UAP1: variants seen among roughly 807,000 people sequenced by gnomAD.
UAP1 encodes the protein UDP-N-acetylhexosamine pyrophosphorylase.
In UAP1, 25 loss-of-function variants were observed where a neutral mutation model predicts 58.5. The observed-to-expected ratio is 0.43, with a 90% CI of 0.31 to 0.60. UAP1 has a LOEUF of 0.60. Among genes scored for constraint, UAP1 ranks in the 20% least tolerant of loss-of-function variants. The pLI is 0.11. For synonymous variants in UAP1, 208 were observed against 213.0 expected (o/e 0.98, Z 0.21); for missense variants, 575 against 630.0 (o/e 0.91, Z 0.93).
intron 2 of UAP1, among the ~76,000 whole-genome samples, chr1:162,574,935 A>G (rs1270214573): frequency 6.6e-6 from 1 of 152,188 alleles, no homozygotes; most frequent in Non-Finnish European, 1.5e-5. Context: ...CTTGATGACT[A>G]TTTATTGCTG....
intron 4 of UAP1, among the ~76,000 whole-genome samples, chr1:162,579,844 C>G (rs1654473585): frequency 6.6e-6 from 1 of 152,058 alleles, no homozygotes; most frequent in Admixed American, 6.6e-5. Flanking sequence ...TATTCTTTCT[C>G]TATAACAAGT....
intron 1 of UAP1, among the ~76,000 whole-genome samples, chr1:162,562,034 G>A (rs1653174296): frequency 6.6e-6 from 1 of 152,236 alleles, no homozygotes; most frequent in East Asian, 1.9e-4. Context: ...CAGCCGGGTG[G>A]ATGGCGGGGC....
intron 2 of UAP1, among the ~76,000 whole-genome samples, chr1:162,569,946 G>A (rs527344205): frequency 2.6e-5 from 4 of 152,146 alleles, no homozygotes; most frequent in African/African-American, 7.2e-5. Flanking sequence ...TCAGGAGATC[G>A]AGACCATCCT....
At chr1:162,596,490 A>G (rs994944427) in intron 9 of UAP1, among the ~76,000 whole-genome samples, 8 of 152,168 alleles carry the variant, frequency 5.3e-5, no homozygotes, top group African/African-American at 1.7e-4. Flanking sequence ...TATTTTTTAT[A>G]TGAATAAATG....
chr1:162,573,940 G>T (rs1654017633), intron 2 of UAP1, among the ~76,000 whole-genome samples: 1 of 151,768 alleles, frequency 6.6e-6, no homozygotes, highest in Admixed American at 6.6e-5. Flanking sequence ...CTCCAGCCTG[G>T]GTGACAGTGT....
At chr1:162,588,855 TA>T (rs1655077917) in intron 7 of UAP1, 22 bp downstream of exon 7, 2 of 1,581,260 alleles carry the variant, frequency 1.3e-6, no homozygotes, top group Non-Finnish European at 1.7e-6. Context: ...ATAGTACCAA[TA>T]AGGTTAAATA....
chr1:162,589,156 TTATA>T (rs534254448), intron 7 of UAP1, among the ~76,000 whole-genome samples: 3 of 106,452 alleles, frequency 2.8e-5, no homozygotes, highest in African/African-American at 4.1e-5. Flanking sequence ...ATAATATATA[TTATA>T]TATAATATAT....
At chr1:162,586,676 G>GT (rs1654923639) in intron 5 of UAP1, among the ~76,000 whole-genome samples, 1 of 152,098 alleles carries the variant, frequency 6.6e-6, no homozygotes, top group South Asian at 2.1e-4. Context: ...TGTGGGATTA[G>GT]TGTGGTGGCA....
At chr1:162,593,875 C>T (rs772533957) in intron 9 of UAP1, 1 of 152,192 alleles carries the variant, frequency 6.6e-6, no homozygotes, top group Non-Finnish European at 1.5e-5. Context: ...CACCCACGTG[C>T]TTTTTCCTGT....
intron 8 of UAP1, among the ~76,000 whole-genome samples, chr1:162,592,038 C>T (rs1402141482): frequency 6.6e-6 from 1 of 152,196 alleles, no homozygotes; most frequent in Non-Finnish European, 1.5e-5. Context: ...ATGTAAAAAG[C>T]ATTCTGGCAT....
At chr1:162,562,666 G>C (rs1184412291) in intron 1 of UAP1, 1 of 152,162 alleles carries the variant, frequency 6.6e-6, no homozygotes, top group African/African-American at 2.4e-5. Context: ...ACTGGGTGTG[G>C]ATCCAAGAGT....
chr1:162,594,481 A>G (rs1337312337), intron 9 of UAP1, among the ~76,000 whole-genome samples: 2 of 152,152 alleles, frequency 1.3e-5, no homozygotes, highest in Non-Finnish European at 2.9e-5. Flanking sequence ...CAGGCCACAG[A>G]GTAGTACCGG....
downstream of UAP1, chr1:162,599,885 T>G (rs1203717647): frequency 6.6e-6 from 1 of 152,232 alleles, no homozygotes; most frequent in African/African-American, 2.4e-5. Flanking sequence ...AATATGAAAC[T>G]TGGGAGAAAC....
intron 3 of UAP1, among the ~76,000 whole-genome samples, chr1:162,577,434 C>CTTTTTTTTTTTTTTTTTT (rs1557970274): frequency 7.2e-6 from 1 of 138,150 alleles, no homozygotes; most frequent in African/African-American, 2.9e-5. Flanking sequence ...TAGTTCCTTC[C>CTTTTTTTTTTTTTTTTTT]CTTTTTTTTT....
exon 6 of UAP1, chr1:162,587,509 G>C: frequency 6.2e-7 from 1 of 1,613,932 alleles, no homozygotes; most frequent in Non-Finnish European, 8.5e-7. Flanking sequence ...GAACCAGTTG[G>C]AGTGGTTTGC....
At chr1:162,574,281 C>A (rs373517761) in intron 2 of UAP1, among the ~76,000 whole-genome samples, 1 of 151,796 alleles carries the variant, frequency 6.6e-6, no homozygotes, top group Non-Finnish European at 1.5e-5. Context: ...TCAGTAGAGA[C>A]GGGGTTTCAC....
At chr1:162,583,342 A>G (rs1654717999) in intron 5 of UAP1, among the ~76,000 whole-genome samples, 1 of 151,676 alleles carries the variant, frequency 6.6e-6, no homozygotes, top group Non-Finnish European at 1.5e-5. Flanking sequence ...TTTAGTACAG[A>G]CGGGGTTTCA....
chr1:162,590,279 A>G (rs745527908), intron 7 of UAP1, 44 bp from the exon 8 acceptor site: 6 of 1,519,798 alleles, frequency 3.9e-6, no homozygotes, highest in Admixed American at 1.8e-5. Context: ...GAAGCTGTGT[A>G]TGCAGTTTCA....
exon 8 of UAP1, chr1:162,590,423 G>A: frequency 6.2e-7 from 1 of 1,613,650 alleles, no homozygotes; most frequent in Non-Finnish European, 8.5e-7. Context: ...TGCAAGGCAT[G>A]CTTTGATGTC....
Sources: gnomAD v4.1 joint callset for allele counts (sites outside exome capture counted in the v4.1 genomes callset) on GRCh38, gnomAD v4.1.1 for gene constraint, MANE v1.5 for transcripts, NCBI Gene and HGNC (gene_info 2026-07-23, HGNC 2026-07-21) for gene names.